JMJD1C: variants seen among roughly 807,000 people sequenced by gnomAD.
The protein encoded by JMJD1C is jumonji domain-containing protein 1C.
Under a neutral mutation model 245.3 loss-of-function variants are expected in JMJD1C, and 31 were observed. The ratio of observed to expected loss-of-function variants is 0.13; its 90% confidence interval spans 0.09 to 0.17. JMJD1C has a LOEUF of 0.17. Among genes scored for constraint, JMJD1C ranks in the 10% least tolerant of loss-of-function variants. The pLI, the probability that JMJD1C is intolerant of heterozygous loss-of-function variation, is 1.00. For synonymous variants in JMJD1C, 1,057 were observed against 1,017.4 expected (o/e 1.04, Z -0.74); for missense variants, 2,691 against 3,000.2 (o/e 0.90, Z 2.41).
upstream of JMJD1C, among the ~76,000 whole-genome samples, chr10:63,467,138 T>C (rs953750786): frequency 1.3e-5 from 2 of 152,208 alleles, no homozygotes; most frequent in Non-Finnish European, 2.9e-5. Flanking sequence ...CCACTGCTAA[T>C]AGGTTAGAAA....
At chr10:63,358,183 A>G (rs889389038) in intron 2 of JMJD1C, among the ~76,000 whole-genome samples, 3 of 152,234 alleles carry the variant, frequency 2.0e-5, no homozygotes, top group African/African-American at 7.2e-5. Context: ...AAATGATTCC[A>G]AACTATCATC....
chr10:63,182,925 T>C (rs1175819762), intron 22 of JMJD1C, among the ~76,000 whole-genome samples: 2 of 152,122 alleles, frequency 1.3e-5, no homozygotes, highest in Non-Finnish European at 2.9e-5. Flanking sequence ...GCAATGGCAC[T>C]ATCTTGGCTC....
chr10:63,237,780 CCTTT>C (rs1163114884), intron 3 of JMJD1C, among the ~76,000 whole-genome samples: 1 of 152,028 alleles, frequency 6.6e-6, no homozygotes, highest in African/African-American at 2.4e-5. Context: ...ATGAGCACTT[CCTTT>C]GAGTGTTTCA....
intron 3 of JMJD1C, among the ~76,000 whole-genome samples, chr10:63,261,605 C>T (rs1854768360): frequency 6.6e-6 from 1 of 152,044 alleles, no homozygotes; most frequent in South Asian, 2.1e-4. Context: ...ACCAGGTTAA[C>T]TAACTTAATA....
intron 2 of JMJD1C, among the ~76,000 whole-genome samples, chr10:63,333,303 C>T (rs1162281163): frequency 6.6e-6 from 1 of 152,018 alleles, no homozygotes; most frequent in African/African-American, 2.4e-5. Context: ...ACTTGTAATT[C>T]CAGCACTTAG....
chr10:63,229,451 G>A (rs1479663505), intron 3 of JMJD1C, among the ~76,000 whole-genome samples: 1 of 151,898 alleles, frequency 6.6e-6, no homozygotes, highest in African/African-American at 2.4e-5. Context: ...TAAGATGGTA[G>A]GAAGAAATAG....
At chr10:63,520,520 A>AC (rs1491515033) in intron 1 of JMJD1C, among the ~76,000 whole-genome samples, 2 of 151,996 alleles carry the variant, frequency 1.3e-5, no homozygotes, top group Non-Finnish European at 2.9e-5. Context: ...AAAAAAAAAA[A>AC]ACAGTTTTAA....
At chr10:63,501,048 G>A (rs1487370326) in intron 1 of JMJD1C, among the ~76,000 whole-genome samples, 1 of 152,004 alleles carries the variant, frequency 6.6e-6, no homozygotes, top group African/African-American at 2.4e-5. Flanking sequence ...AGGACACGAA[G>A]ACATAAAAAC....
At chr10:63,243,693 G>C (rs779542929) in intron 3 of JMJD1C, among the ~76,000 whole-genome samples, 1 of 151,964 alleles carries the variant, frequency 6.6e-6, no homozygotes, top group Non-Finnish European at 1.5e-5. Context: ...GTTCCAAAAT[G>C]ACAATGTTTG....
chr10:63,513,656 T>C (rs988704086), intron 1 of JMJD1C, among the ~76,000 whole-genome samples: 6 of 152,148 alleles, frequency 3.9e-5, no homozygotes, highest in African/African-American at 1.4e-4. Context: ...CTCATGCCTG[T>C]AATCCCAGCA....
chr10:63,452,515 A>G (rs1952133524), intron 1 of JMJD1C, among the ~76,000 whole-genome samples: 1 of 152,200 alleles, frequency 6.6e-6, no homozygotes, highest in Non-Finnish European at 1.5e-5. Flanking sequence ...CCACTGTGGA[A>G]AACTGTGCAG....
At chr10:63,426,708 G>T (rs553884244) in intron 1 of JMJD1C, among the ~76,000 whole-genome samples, 10 of 152,008 alleles carry the variant, frequency 6.6e-5, no homozygotes, top group African/African-American at 2.4e-4. Flanking sequence ...CTTAGCCACA[G>T]GTTACTTACT....
intron 3 of JMJD1C, among the ~76,000 whole-genome samples, chr10:63,238,893 A>G (rs1164502121): frequency 6.6e-6 from 1 of 152,232 alleles, no homozygotes; most frequent in African/African-American, 2.4e-5. Flanking sequence ...TATCTAAGAC[A>G]AAGTTCCTGA....
At position 63,389,765 on chromosome 10, in the gene JMJD1C, G is replaced by A. The variant is rs576814758; in HGVS notation, c.169-9283C>T. Among the ~76,000 whole-genome samples, 45 of 152,204 alleles carry A rather than the reference G, an allele frequency of 3.0e-4. 2 individuals are homozygous for A. In the South Asian group the frequency reaches 8.7e-3, roughly 29 times the overall value. Reference sequence around the variant, plus strand: ...ACTTTGGGAAGTGTACGAATACATGGAAAGTGAACAACATGCTCCTAAATG... The same window carrying A: ...ACTTTGGGAAGTGTACGAATACATGAAAAGTGAACAACATGCTCCTAAATG... On this transcript the variant is annotated intron_variant, in intron 1 of 25. Transcript: ENST00000399262.
chr10:63,290,929 T>C (rs1405759249), intron 2 of JMJD1C, among the ~76,000 whole-genome samples: 1 of 152,200 alleles, frequency 6.6e-6, no homozygotes, highest in East Asian at 1.9e-4. Context: ...AGTATATTAG[T>C]TGTTTCAAAA....
intron 8 of JMJD1C, among the ~76,000 whole-genome samples, chr10:63,210,797 T>C (rs1847221096): frequency 1.3e-5 from 2 of 152,206 alleles, no homozygotes; most frequent in African/African-American, 4.8e-5. Context: ...CTGCTTTCTA[T>C]TCTGGTAAAG....
intron 22 of JMJD1C, among the ~76,000 whole-genome samples, chr10:63,182,474 A>G (rs1228586364): frequency 1.3e-5 from 2 of 152,202 alleles, no homozygotes; most frequent in Non-Finnish European, 2.9e-5. Flanking sequence ...TGTAAAAGGA[A>G]AGTGACAAAG....
chr10:63,454,164 T>A (rs1044358568), intron 1 of JMJD1C, among the ~76,000 whole-genome samples: 4 of 152,200 alleles, frequency 2.6e-5, no homozygotes, highest in African/African-American at 9.7e-5. Context: ...TGATGGAAAT[T>A]TTCTATATTT....
chr10:63,291,050 T>C (rs1383035340), intron 2 of JMJD1C, among the ~76,000 whole-genome samples: 1 of 152,132 alleles, frequency 6.6e-6, no homozygotes, highest in Admixed American at 6.6e-5. Flanking sequence ...CTCACATTTC[T>C]AATCCCAGCA....
Sources: allele counts gnomAD v4.1 joint callset (sites outside exome capture counted in the v4.1 genomes callset), GRCh38; gene constraint gnomAD v4.1.1; transcripts MANE v1.5; gene names NCBI Gene and HGNC (gene_info 2026-07-23, HGNC 2026-07-21).